Variants in CTNNA3 observed in about 807,000 individuals in gnomAD.
CTNNA3 encodes catenin alpha 3.
In CTNNA3, 76 loss-of-function variants were observed where a neutral mutation model predicts 95.7. The observed-to-expected ratio is 0.79, with a 90% CI of 0.66 to 0.96. CTNNA3 has a LOEUF of 0.96. CTNNA3 is among the 40% of genes least tolerant of loss of function. CTNNA3 has a pLI of 0.00. For missense variants in CTNNA3, 1,191 were observed against 1,089.8 expected (o/e 1.09, Z -1.31); for synonymous variants, 431 against 374.4 (o/e 1.15, Z -1.74).
chr10:67,204,243 G>A (rs1217428564), intron 6 of CTNNA3, among the ~76,000 whole-genome samples: 1 of 152,098 alleles, frequency 6.6e-6, no homozygotes, highest in East Asian at 1.9e-4. Flanking sequence ...TGTTGGAGGA[G>A]GGGCTTGGCG....
intron 2 of CTNNA3, among the ~76,000 whole-genome samples, chr10:67,639,785 G>A (rs1839459959): frequency 6.6e-6 from 1 of 151,970 alleles, no homozygotes; most frequent in Middle Eastern, 3.2e-3. Context: ...ATGCAGAAAA[G>A]GCCTTTCACA....
At chr10:66,203,220 C>A (rs2087545927) in intron 13 of CTNNA3, among the ~76,000 whole-genome samples, 1 of 152,134 alleles carries the variant, frequency 6.6e-6, no homozygotes, top group Non-Finnish European at 1.5e-5. Context: ...AAGGGGAAAT[C>A]ATTAATGACG....
At chr10:66,735,868 T>C (rs938515905) in intron 9 of CTNNA3, among the ~76,000 whole-genome samples, 1 of 152,198 alleles carries the variant, frequency 6.6e-6, no homozygotes, top group Admixed American at 6.5e-5. Context: ...GTTGCTTTAA[T>C]AACATTTAGG....
intron 12 of CTNNA3, among the ~76,000 whole-genome samples, chr10:66,296,437 T>C (rs1217967264): frequency 1.3e-5 from 2 of 152,150 alleles, no homozygotes; most frequent in East Asian, 1.9e-4. Flanking sequence ...TAGTATTCAA[T>C]TCACATAGCA....
At chr10:66,507,691 C>G (rs555137693) in intron 11 of CTNNA3, among the ~76,000 whole-genome samples, 2 of 151,282 alleles carry the variant, frequency 1.3e-5, no homozygotes, top group African/African-American at 4.9e-5. Context: ...TTTTAAATAG[C>G]TGAACAATAT....
chr10:67,520,515 G>A (rs1002236882), intron 5 of CTNNA3, among the ~76,000 whole-genome samples: 1 of 152,166 alleles, frequency 6.6e-6, no homozygotes, highest in African/African-American at 2.4e-5. Context: ...TGACTCTGGT[G>A]TGAACGCTAA....
intron 5 of CTNNA3, among the ~76,000 whole-genome samples, chr10:67,468,858 C>T (rs1847703657): frequency 6.6e-6 from 1 of 152,138 alleles, no homozygotes; most frequent in Admixed American, 6.5e-5. Flanking sequence ...TGAATACCCC[C>T]ACTGAAATGA....
chr10:66,255,328 A>C (rs1429040649), intron 13 of CTNNA3, among the ~76,000 whole-genome samples: 2 of 152,092 alleles, frequency 1.3e-5, no homozygotes, highest in South Asian at 2.1e-4. Flanking sequence ...CCGTATCTAA[A>C]CCCAACATGG....
At chr10:66,949,339 C>G (rs1253390738) in intron 7 of CTNNA3, among the ~76,000 whole-genome samples, 2 of 152,146 alleles carry the variant, frequency 1.3e-5, no homozygotes, top group East Asian at 3.9e-4. Flanking sequence ...GGTGGATCAC[C>G]TGAGGTCGGG....
chr10:66,251,077 C>T (rs1187799480), intron 13 of CTNNA3, among the ~76,000 whole-genome samples: 2 of 152,222 alleles, frequency 1.3e-5, no homozygotes, highest in South Asian at 4.1e-4. Flanking sequence ...CTTGCAGAAC[C>T]ACATGGAACT....
At chr10:66,331,308 A>G (rs1205490761) in intron 12 of CTNNA3, among the ~76,000 whole-genome samples, 1 of 130,744 alleles carries the variant, frequency 7.6e-6, no homozygotes, top group Non-Finnish European at 1.6e-5. Flanking sequence ...TCCCAGCACC[A>G]TTTATTAAAT....
chr10:66,979,109 C>CA (rs1021377724), intron 7 of CTNNA3, among the ~76,000 whole-genome samples: 7 of 151,804 alleles, frequency 4.6e-5, no homozygotes, highest in African/African-American at 1.7e-4. Context: ...GGATTACAGG[C>CA]ACCCACCACC....
At chr10:66,278,355 G>T (rs545552976) in intron 13 of CTNNA3, among the ~76,000 whole-genome samples, 11 of 151,584 alleles carry the variant, frequency 7.3e-5, no homozygotes, top group Non-Finnish European at 1.3e-4. Context: ...ATTCTTGATA[G>T]TCTCTTTTGA....
chr10:67,273,815 A>G (rs1006418167), intron 5 of CTNNA3, among the ~76,000 whole-genome samples: 4 of 152,356 alleles, frequency 2.6e-5, no homozygotes, highest in Admixed American at 6.5e-5. Context: ...TACACAAAAC[A>G]GAATGCACTG....
intron 3 of CTNNA3, among the ~76,000 whole-genome samples, chr10:67,588,950 T>C (rs1842716262): frequency 6.6e-6 from 1 of 152,006 alleles, no homozygotes; most frequent in Non-Finnish European, 1.5e-5. Flanking sequence ...CCCACTAAAA[T>C]GTTAGTCAGC....
At chr10:66,866,906 T>A (rs1844202024) in intron 7 of CTNNA3, among the ~76,000 whole-genome samples, 1 of 152,178 alleles carries the variant, frequency 6.6e-6, no homozygotes, top group African/African-American at 2.4e-5. Flanking sequence ...GGGAGGAACC[T>A]GATGAGAGAT....
chr10:66,429,734 G>T (rs1011844703), intron 11 of CTNNA3, among the ~76,000 whole-genome samples: 1 of 152,100 alleles, frequency 6.6e-6, no homozygotes, highest in African/African-American at 2.4e-5. Context: ...AATAAATTAC[G>T]TATTGATGGG....
chr10:66,135,664 C>G (rs1170380619), intron 13 of CTNNA3, among the ~76,000 whole-genome samples: 1 of 152,160 alleles, frequency 6.6e-6, no homozygotes, highest in Non-Finnish European at 1.5e-5. Context: ...ACTATGATCT[C>G]TAAGTATCCT....
intron 5 of CTNNA3, among the ~76,000 whole-genome samples, chr10:67,302,867 A>G (rs1840382114): frequency 6.6e-6 from 1 of 152,218 alleles, no homozygotes; most frequent in South Asian, 2.1e-4. Flanking sequence ...CCAAATTAGA[A>G]TAATTGAAAA....
Sources: allele counts gnomAD v4.1 joint callset (sites outside exome capture counted in the v4.1 genomes callset), GRCh38; gene constraint gnomAD v4.1.1; transcripts MANE v1.5; gene names NCBI Gene and HGNC (gene_info 2026-07-23, HGNC 2026-07-21).